Variants in FAM90A20 observed in about 807,000 individuals in gnomAD.
FAM90A20 encodes family with sequence similarity 90 member A20.
the FAM90A20 span, chr8:7,295,552 A>C: frequency 1.5e-6 from 1 of 654,072 alleles, no homozygotes; most frequent in Non-Finnish European, 2.7e-6. Context: ...CTGAATTCAC[A>C]ATCCATCCCA....
chr8:7,297,176 C>A, the FAM90A20 span: 8 of 1,536,996 alleles, frequency 5.2e-6, no homozygotes, highest in East Asian at 1.3e-4. Flanking sequence ...CTTGGCTTCA[C>A]TGTCTCCCCT....
the FAM90A20 span, chr8:7,296,148 G>A: frequency 1.7e-6 from 1 of 595,096 alleles, no homozygotes; most frequent in Non-Finnish European, 3.0e-6. Flanking sequence ...TGGCACGTGA[G>A]GGAAGGTGCA....
the FAM90A20 span, chr8:7,297,695 G>T: frequency 1.4e-6 from 2 of 1,419,230 alleles, no homozygotes; most frequent in East Asian, 4.5e-5. Context: ...ACCGGCCCAG[G>T]TGCCCAGCGT....
the FAM90A20 span, chr8:7,296,468 C>T: frequency 1.0e-5 from 7 of 687,608 alleles, 1 homozygote; most frequent in East Asian, 5.5e-5. Context: ...TTCAGCTTCC[C>T]GTCTGCGGGA....
At chr8:7,297,835 A>C in the FAM90A20 span, 1 of 999,114 alleles carries the variant, frequency 1.0e-6, no homozygotes, top group African/African-American at 2.6e-5. Context: ...TGGAAAACGG[A>C]CGCTGGAGCT....
At chr8:7,295,804 T>G in the FAM90A20 span, 2 of 1,120,582 alleles carry the variant, frequency 1.8e-6, no homozygotes, top group Non-Finnish European at 2.6e-6. Flanking sequence ...TGAACAAGGA[T>G]AAGGGAGAGA....
the FAM90A20 span, chr8:7,297,312 C>G: frequency 1.0e-5 from 14 of 1,353,072 alleles, no homozygotes; most frequent in Non-Finnish European, 1.3e-5. Context: ...GTGGTGGAGC[C>G]GACACACAGC....
the FAM90A20 span, among the ~76,000 whole-genome samples, chr8:7,296,117 C>A: frequency 6.9e-5 from 9 of 130,920 alleles, no homozygotes; most frequent in East Asian, 1.9e-3. Context: ...GCCTAGAGGG[C>A]CACCTGGAGG....
chr8:7,296,886 A>G, the FAM90A20 span, among the ~76,000 whole-genome samples: 1 of 136,886 alleles, frequency 7.3e-6, no homozygotes, highest in Non-Finnish European at 1.5e-5. Flanking sequence ...CGCATCGTTC[A>G]TGTGTCTTTT....
At chr8:7,297,689 G>T in the FAM90A20 span, 3 of 1,406,054 alleles carry the variant, frequency 2.1e-6, no homozygotes, top group Non-Finnish European at 2.9e-6. Flanking sequence ...GAGGACACCG[G>T]CCCAGGTGCC....
chr8:7,297,627 C>G, the FAM90A20 span: 15 of 1,416,480 alleles, frequency 1.1e-5, no homozygotes, highest in South Asian at 2.3e-5. Context: ...AATCTCCAAC[C>G]TCCACCAGCC....
the FAM90A20 span, chr8:7,296,312 C>T: frequency 2.2e-5 from 16 of 739,580 alleles, 2 homozygotes; most frequent in Non-Finnish European, 3.2e-5. Context: ...CAGAGGAAGG[C>T]TCTCCTCCAC....
the FAM90A20 span, chr8:7,297,339 G>A: frequency 1.1e-4 from 146 of 1,389,500 alleles, 12 homozygotes; most frequent in South Asian, 1.3e-3. Context: ...GAGGGTAGCT[G>A]CCGAGAAGTT....
At chr8:7,296,536 G>C in the FAM90A20 span, 39,639 of 615,848 alleles carry the variant, frequency 0.064, 8,294 homozygotes, top group African/African-American at 0.4. Context: ...CACGATCCTT[G>C]CAGGTCAGTT....
the FAM90A20 span, chr8:7,297,832 C>T: frequency 7.7e-6 from 8 of 1,032,268 alleles, 1 homozygote; most frequent in South Asian, 2.6e-5. Context: ...GACTGGAAAA[C>T]GGACGCTGGA....
At chr8:7,297,236 C>A in the FAM90A20 span, 5 of 1,497,060 alleles carry the variant, frequency 3.3e-6, 1 homozygote, top group South Asian at 4.5e-5. Context: ...AAAGGAAAGA[C>A]AGACAGGGGC....
chr8:7,295,479 G>T, the FAM90A20 span, among the ~76,000 whole-genome samples: 1 of 116,158 alleles, frequency 8.6e-6, no homozygotes, highest in Non-Finnish European at 1.6e-5. Flanking sequence ...CATCGTATCC[G>T]AACTCTCCCA....
chr8:7,297,317 C>G, the FAM90A20 span: 1,042 of 1,357,976 alleles, frequency 7.7e-4, 84 homozygotes, highest in South Asian at 9.9e-3. Context: ...GGAGCCGACA[C>G]ACAGCAGCCC....
chr8:7,296,591 T>G, the FAM90A20 span, among the ~76,000 whole-genome samples: 7 of 135,742 alleles, frequency 5.2e-5, 3 homozygotes, highest in African/African-American at 2.5e-4. Flanking sequence ...TTCCTGTGGC[T>G]TTCTTTCTGT....
Sources: allele counts gnomAD v4.1 joint callset (sites outside exome capture counted in the v4.1 genomes callset), GRCh38; gene constraint gnomAD v4.1.1; transcripts MANE v1.5; gene names NCBI Gene and HGNC (gene_info 2026-07-23, HGNC 2026-07-21).